Variants in ZNF804B observed in about 807,000 individuals in gnomAD.
ZNF804B encodes the protein zinc finger protein 804B, also known as zinc finger 804B.
Under a neutral mutation model 101.4 loss-of-function variants are expected in ZNF804B, and 80 were observed. That is an observed-to-expected ratio of 0.79 (90% CI 0.66 to 0.95). The LOEUF is 0.95. Ranked by LOEUF, ZNF804B falls within the 40% of genes least tolerant of loss-of-function variation. The pLI is 0.00. For missense variants in ZNF804B, 1,673 were observed against 1,561.9 expected (o/e 1.07, Z -1.20); for synonymous variants, 622 against 558.8 (o/e 1.11, Z -1.59).
At chr7:89,291,724 T>C (rs1207910056) in intron 2 of ZNF804B, among the ~76,000 whole-genome samples, 1 of 152,070 alleles carries the variant, frequency 6.6e-6, no homozygotes, top group African/African-American at 2.4e-5. Flanking sequence ...TTCAAATGGG[T>C]AATAATAGAG....
chr7:89,187,929 T>G (rs918423765), intron 1 of ZNF804B, among the ~76,000 whole-genome samples: 4 of 152,136 alleles, frequency 2.6e-5, no homozygotes, highest in Non-Finnish European at 5.9e-5. Context: ...TAGCTGGTAG[T>G]AAGGCCAGAT....
At chr7:88,762,629 G>T (rs1789915716) in intron 1 of ZNF804B, among the ~76,000 whole-genome samples, 1 of 148,956 alleles carries the variant, frequency 6.7e-6, no homozygotes, top group Non-Finnish European at 1.5e-5. Flanking sequence ...TTTTCCTTTA[G>T]TATAAATGTT....
chr7:89,207,157 C>T (rs935874975), intron 1 of ZNF804B, among the ~76,000 whole-genome samples: 1 of 152,242 alleles, frequency 6.6e-6, no homozygotes, highest in Non-Finnish European at 1.5e-5. Flanking sequence ...AAAGTGGCCT[C>T]CACATTTTTG....
intron 1 of ZNF804B, among the ~76,000 whole-genome samples, chr7:89,074,292 A>T (rs756708767): frequency 1.4e-4 from 21 of 152,190 alleles, no homozygotes; most frequent in Non-Finnish European, 2.2e-4. Context: ...AAAAATCAAT[A>T]ATATAGTTTG....
Position 89,327,327 on chromosome 7 carries a change from T to C in ZNF804B, c.250-17T>C. The C allele has an allele frequency of 6.4e-7, 1 of 1,574,168 alleles. No homozygotes were observed. On this transcript the variant is annotated splice_polypyrimidine_tract_variant and intron_variant, in intron 2 of 3. Coordinates refer to ENST00000333190, the MANE Select transcript of ZNF804B (RefSeq NM_181646.5). The stretch of plus-strand genomic sequence containing the variant: ...TATTTATTTATAGTACCTTTTTGGT[T>C]TTTCTTCTTTTTCAAGAGACTGAAA...
intron 1 of ZNF804B, among the ~76,000 whole-genome samples, chr7:88,980,038 T>C (rs575212989): frequency 6.6e-6 from 1 of 152,060 alleles, no homozygotes; most frequent in African/African-American, 2.4e-5. Context: ...AAGTTGGATT[T>C]TTCAGCTGCA....
intron 1 of ZNF804B, among the ~76,000 whole-genome samples, chr7:88,802,820 AT>A (rs1790611626): frequency 6.6e-6 from 1 of 152,094 alleles, no homozygotes; most frequent in Non-Finnish European, 1.5e-5. Context: ...CAAGTGCAGA[AT>A]TTCATAGAGC....
chr7:89,280,153 A>G (rs946463828), intron 2 of ZNF804B, among the ~76,000 whole-genome samples: 79 of 152,276 alleles, frequency 5.2e-4, no homozygotes, highest in African/African-American at 1.8e-3. Context: ...TGCTCCTGAA[A>G]GACTACTGGG....
chr7:89,183,132 G>T (rs944892965), intron 1 of ZNF804B, among the ~76,000 whole-genome samples: 6 of 152,052 alleles, frequency 3.9e-5, no homozygotes, highest in African/African-American at 1.4e-4. Context: ...TAAACATGTG[G>T]CAATAGGAGG....
chr7:89,139,191 C>T (rs923533720), intron 1 of ZNF804B, among the ~76,000 whole-genome samples: 3 of 152,082 alleles, frequency 2.0e-5, no homozygotes, highest in Non-Finnish European at 4.4e-5. Context: ...GCAATAGCAT[C>T]ATATCTGAAA....
At chr7:88,976,908 TTC>T (rs1793621835) in intron 1 of ZNF804B, among the ~76,000 whole-genome samples, 1 of 151,708 alleles carries the variant, frequency 6.6e-6, no homozygotes, top group Non-Finnish European at 1.5e-5. Flanking sequence ...GGTATGTTCT[TTC>T]TATATGCAGG....
chr7:88,861,700 T>G (rs1300907449), intron 1 of ZNF804B, among the ~76,000 whole-genome samples: 1 of 152,188 alleles, frequency 6.6e-6, no homozygotes, highest in Non-Finnish European at 1.5e-5. Context: ...CTTTACAGTT[T>G]CAGTGTACAA....
At chr7:89,270,905 T>G (rs1170917494) in intron 2 of ZNF804B, among the ~76,000 whole-genome samples, 1 of 152,124 alleles carries the variant, frequency 6.6e-6, no homozygotes, top group Non-Finnish European at 1.5e-5. Context: ...GTGAATTTTG[T>G]ACATTGATTT....
intron 1 of ZNF804B, among the ~76,000 whole-genome samples, chr7:89,171,395 CTCTTCTTCT>C (rs778183139): frequency 2.5e-4 from 23 of 91,984 alleles, no homozygotes; most frequent in Admixed American, 8.7e-4. Context: ...CCTCTTCTTC[CTCTTCTTCT>C]TCTTCTTCTT....
chr7:89,117,283 G>C (rs1790325102), intron 1 of ZNF804B, among the ~76,000 whole-genome samples: 1 of 152,166 alleles, frequency 6.6e-6, no homozygotes, highest in Non-Finnish European at 1.5e-5. Context: ...TTGGTAATCT[G>C]TTACAGCAGT....
At chr7:89,169,905 G>T (rs1230139877) in intron 1 of ZNF804B, among the ~76,000 whole-genome samples, 1 of 152,096 alleles carries the variant, frequency 6.6e-6, no homozygotes, top group Non-Finnish European at 1.5e-5. Context: ...TAGATACTAT[G>T]GTTTACAGAG....
At chr7:88,783,047 T>C (rs889057566) in intron 1 of ZNF804B, among the ~76,000 whole-genome samples, 4 of 152,142 alleles carry the variant, frequency 2.6e-5, no homozygotes, top group Non-Finnish European at 5.9e-5. Flanking sequence ...AAAAGGAATA[T>C]AGAAACTGTG....
At chr7:88,800,692 T>TTGTGTGTGTGTGTGTG (rs6150209) in intron 1 of ZNF804B, among the ~76,000 whole-genome samples, 13 of 146,600 alleles carry the variant, frequency 8.9e-5, no homozygotes, top group Non-Finnish European at 1.8e-4. Flanking sequence ...TAGATATGAT[T>TTGTGTGTGTGTGTGTG]TGTGTGTGTG....
intron 1 of ZNF804B, among the ~76,000 whole-genome samples, chr7:89,041,759 A>G (rs1789020906): frequency 6.6e-6 from 1 of 152,178 alleles, no homozygotes; most frequent in Non-Finnish European, 1.5e-5. Flanking sequence ...TTCATGAATA[A>G]TGTGAACTGT....
Sources: gnomAD v4.1 joint callset for allele counts (sites outside exome capture counted in the v4.1 genomes callset) on GRCh38, gnomAD v4.1.1 for gene constraint, MANE v1.5 for transcripts, NCBI Gene and HGNC (gene_info 2026-07-23, HGNC 2026-07-21) for gene names.